Variants in PHLPP1 observed in about 807,000 individuals in gnomAD.
PHLPP1 encodes PH domain and leucine rich repeat protein phosphatase 1, also known as PH domain leucine-rich repeat-containing protein phosphatase 1.
In PHLPP1, 42 loss-of-function variants were observed where a neutral mutation model predicts 117.2. That is an observed-to-expected ratio of 0.36 (90% CI 0.28 to 0.46). The LOEUF is 0.46. PHLPP1 is among the 20% of genes least tolerant of loss of function. The probability of loss-of-function intolerance (pLI) is 1.00; values close to 1 mark genes in which losing one functional copy is unlikely to be tolerated. For missense variants in PHLPP1, 2,084 were observed against 2,241.9 expected, an observed-to-expected ratio of 0.93 and a Z score of 1.42; for synonymous variants, 1,042 against 970.7, an observed-to-expected ratio of 1.07 and a Z score of -1.37.
intron 4 of PHLPP1, among the ~76,000 whole-genome samples, chr18:62,890,147 A>G (rs1916371943): frequency 1.3e-5 from 2 of 152,138 alleles, no homozygotes; most frequent in African/African-American, 4.8e-5. Context: ...CTTTCTCTTT[A>G]TAATTAGAGG....
intron 1 of PHLPP1, among the ~76,000 whole-genome samples, chr18:62,795,907 A>G (rs922950520): frequency 6.6e-6 from 1 of 152,184 alleles, no homozygotes; most frequent in Non-Finnish European, 1.5e-5. Context: ...TGTCCTGTAC[A>G]CAGCTATTAA....
At chr18:62,813,161 A>G (rs1914172269) in intron 1 of PHLPP1, among the ~76,000 whole-genome samples, 1 of 152,182 alleles carries the variant, frequency 6.6e-6, no homozygotes, top group Non-Finnish European at 1.5e-5. Context: ...CCAACTCACT[A>G]TATATTGCTC....
At chr18:62,747,183 T>C (rs1911700702) in intron 1 of PHLPP1, among the ~76,000 whole-genome samples, 1 of 152,218 alleles carries the variant, frequency 6.6e-6, no homozygotes, top group Non-Finnish European at 1.5e-5. Context: ...CTCTTATTTT[T>C]AATTCCATCA....
intron 2 of PHLPP1, among the ~76,000 whole-genome samples, chr18:62,834,845 C>T (rs527926416): frequency 8.6e-5 from 13 of 151,368 alleles, no homozygotes; most frequent in African/African-American, 3.2e-4. Context: ...TTTCCTCCCA[C>T]CCTTTTATTT....
chr18:62,838,010 C>T (rs1914955099), intron 2 of PHLPP1: 1 of 151,956 alleles, frequency 6.6e-6, no homozygotes, highest in Admixed American at 6.6e-5. Flanking sequence ...AATTAATGTT[C>T]TACCTTCTTT....
chr18:62,832,497 C>T (rs1914784624), intron 2 of PHLPP1, among the ~76,000 whole-genome samples: 1 of 152,186 alleles, frequency 6.6e-6, no homozygotes, highest in African/African-American at 2.4e-5. Context: ...TTATAATTAG[C>T]ATTTTCATTC....
intron 1 of PHLPP1, among the ~76,000 whole-genome samples, chr18:62,819,309 A>T (rs2144319610): frequency 6.6e-6 from 1 of 152,350 alleles, no homozygotes; most frequent in East Asian, 1.9e-4. Flanking sequence ...AAGTGGTATA[A>T]TATTACTTGA....
rs542305090 is a variant in PHLPP1 at position 62,718,766 on chromosome 18, A to G, written c.1576+1507A>G. Reference sequence around the variant, plus strand: ...CATTAAAAATAGGTGCCCTTTAACTACATGGAAGGAACTGTATATAAAAAC... The same window carrying G: ...CATTAAAAATAGGTGCCCTTTAACTGCATGGAAGGAACTGTATATAAAAAC... On this transcript the variant is annotated intron_variant, in intron 1 of 16. Transcript: ENST00000262719. Among the ~76,000 whole-genome samples the G allele has an allele frequency of 1.0e-3, 157 of 152,372 alleles. 1 individual carries two copies. The highest frequency in any genetic ancestry group is 3.3e-3 in the African/African-American group (136 of 41,600).
In PHLPP1 at chr18:62,965,452, C is replaced by CTTTT. The variant is rs34187461; in HGVS notation, c.3560+2001_3560+2004dup. Among the ~76,000 whole-genome samples the CTTTT allele has an allele frequency of 4.3e-3, 324 of 76,102 alleles. 4 individuals are homozygous for CTTTT. The highest frequency in any genetic ancestry group is 7.9e-3 in the African/African-American group (142 of 17,946). 49.9% of individuals were successfully genotyped at this position (76,102 alleles called of 152,430 possible). ...GGAGCTACAGTTGGATAATCAGCCTCTTTTTTTTTTTTTTTTTTTTTTTTG... is the reference window on the plus strand; with the variant it reads ...GGAGCTACAGTTGGATAATCAGCCTCTTTTTTTTTTTTTTTTTTTTTTTTTTTTG... On this transcript the variant is annotated intron_variant, in intron 14 of 16. Coordinates refer to ENST00000262719, the MANE Select transcript of PHLPP1 (RefSeq NM_194449.4).
intron 1 of PHLPP1, among the ~76,000 whole-genome samples, chr18:62,754,706 A>T (rs1911958944): frequency 6.6e-6 from 1 of 152,194 alleles, no homozygotes. Context: ...TTCCCCCTGT[A>T]ATTTGCTATA....
rs1164332096 is a variant in PHLPP1, at chr18:62,716,701, C to T, written c.1018C>T (p.Pro340Ser). 4.7e-6 allele frequency: 7 copies of T among 1,481,962 alleles called. No individual in the cohort carries two copies. Among genetic ancestry groups the T allele is most frequent in the African/African-American group, 2.9e-5 (2 of 68,282 alleles). 91.8% of individuals were successfully genotyped at this position (1,481,962 alleles called of 1,614,324 possible). A position where few individuals can be genotyped will look rare whatever the true frequency, so the allele number is the denominator to read the frequency against. The change falls in exon 1 of 17, where the codon CCA becomes TCA. Residue 340 changes from proline to serine, a missense_variant. This residue lies in a region of PHLPP1 where 719 missense variants were observed against 636.0 expected (regional missense o/e 1.13). Coordinates refer to ENST00000262719, the MANE Select transcript of PHLPP1 (RefSeq NM_194449.4). The surrounding 1 kb of genome is among the most constrained non-coding windows in gnomAD (Gnocchi z 5.7). ...GGGCCCTGTCTCTTCGCCCCGCGCC[C>T]CACGGCCTGTGGTCTCCGACACCGA... ...VGGPVSSPRA[P>S]RPVVSDTESF...
intron 1 of PHLPP1, among the ~76,000 whole-genome samples, chr18:62,768,719 A>T (rs1300667448): frequency 6.6e-6 from 1 of 152,210 alleles, no homozygotes; most frequent in Non-Finnish European, 1.5e-5. Flanking sequence ...TCTCAGTGAC[A>T]ATAATCAAAC....
intron 1 of PHLPP1, among the ~76,000 whole-genome samples, chr18:62,801,437 T>C (rs1913779769): frequency 6.6e-6 from 1 of 151,766 alleles, no homozygotes; most frequent in Non-Finnish European, 1.5e-5. Flanking sequence ...GCTAAAGAGA[T>C]GCATCAAGCA....
chr18:62,849,767 C>T (rs1174212577), intron 3 of PHLPP1, among the ~76,000 whole-genome samples: 1 of 109,118 alleles, frequency 9.2e-6, no homozygotes, highest in African/African-American at 3.6e-5. Flanking sequence ...TCAAGGCAAG[C>T]CTGGGCAACA....
intron 1 of PHLPP1, among the ~76,000 whole-genome samples, chr18:62,756,097 A>G (rs1352215025): frequency 6.6e-6 from 1 of 150,804 alleles, no homozygotes; most frequent in African/African-American, 2.4e-5. Context: ...ACACTAGCTC[A>G]TGATTCCCAA....
intron 1 of PHLPP1, among the ~76,000 whole-genome samples, chr18:62,775,969 C>T (rs200023339): frequency 2.6e-5 from 4 of 151,750 alleles, no homozygotes; most frequent in South Asian, 4.2e-4. Flanking sequence ...CATATAAATA[C>T]AAAATGTTGT....
In PHLPP1 at chr18:62,978,783, C is replaced by T. The variant is rs751162427; in HGVS notation, c.4506C>T (p.Ala1502=). ...STASDEPPPG[A]LSENSPAYPS... ...CCTCCGATGAGCCCCCGCCCGGAGC[C>T]CTAAGCGAGAACAGCCCTGCCTACC... Residue 1502 remains alanine, a synonymous_variant, in exon 17 of 17, where the codon GCC becomes GCT. Coordinates refer to ENST00000262719, the MANE Select transcript of PHLPP1 (RefSeq NM_194449.4). This position sits in a 1 kb window ranked among gnomAD's most constrained non-coding sequence, Gnocchi z 7.0. 5 of 1,612,618 alleles carry T rather than the reference C, an allele frequency of 3.1e-6. No homozygotes were observed. The African/African-American group carries it at 6.7e-5, about 22-fold the overall frequency.
intron 1 of PHLPP1, among the ~76,000 whole-genome samples, chr18:62,742,580 T>G (rs927256102): frequency 2.0e-5 from 3 of 152,094 alleles, no homozygotes; most frequent in Non-Finnish European, 2.9e-5. Context: ...GGACTGCAGG[T>G]GCCCACCGCC....
intron 12 of PHLPP1, among the ~76,000 whole-genome samples, chr18:62,956,574 A>G (rs1910616426): frequency 6.6e-6 from 1 of 152,156 alleles, no homozygotes; most frequent in Non-Finnish European, 1.5e-5. Context: ...AATTGCACCT[A>G]TGTTTGAGAT....
Sources: gnomAD v4.1 joint callset for allele counts (sites outside exome capture counted in the v4.1 genomes callset) on GRCh38, gnomAD v4.1.1 for gene constraint, gnomAD v4.1.1 regional missense constraint, Gnocchi (gnomAD v3.1) non-coding constraint, MANE v1.5 for transcripts, NCBI Gene and HGNC (gene_info 2026-07-23, HGNC 2026-07-21) for gene names.